PTPRD: variants seen among roughly 807,000 people sequenced by gnomAD.
PTPRD encodes the protein protein tyrosine phosphatase receptor type D.
A neutral mutation model predicts 214.5 loss-of-function variants in PTPRD; 34 were observed. That is an observed-to-expected ratio of 0.16 (90% CI 0.12 to 0.21). The LOEUF (loss-of-function observed/expected upper bound fraction) is 0.21. Among genes scored for constraint, PTPRD ranks in the 10% least tolerant of loss-of-function variants. The probability of loss-of-function intolerance (pLI) is 1.00; values close to 1 mark genes in which losing one functional copy is unlikely to be tolerated. For missense variants in PTPRD, 2,545 were observed against 2,398.7 expected, an observed-to-expected ratio of 1.06 and a Z score of -1.27; for synonymous variants, 1,128 against 845.7, an observed-to-expected ratio of 1.33 and a Z score of -5.79.
intron 9 of PTPRD, among the ~76,000 whole-genome samples, chr9:9,229,787 A>C (rs2099961937): frequency 1.3e-5 from 2 of 152,178 alleles, no homozygotes; most frequent in African/African-American, 4.8e-5. Flanking sequence ...ATAGAATTGA[A>C]GAGCAGGCAT....
At position 8,920,204 on chromosome 9, in the gene PTPRD, G is replaced by T. The variant is rs1225873693; in HGVS notation, c.-104+98493C>A. ...AACATACCAAAAATTAGCTGGGTGT[G>T]GTGGCAAACACCTGTAGTCCTAGCT... On this transcript the variant is annotated intron_variant, in intron 11 of 45. Coordinates refer to ENST00000381196, the MANE Select transcript of PTPRD (RefSeq NM_002839.4). Among the ~76,000 whole-genome samples, 3 of 152,030 alleles carry T rather than the reference G, an allele frequency of 2.0e-5. No homozygotes were observed. In the East Asian group the frequency reaches 5.8e-4, roughly 30 times the overall value.
At chr9:9,385,449 C>G (rs1318539645) in intron 9 of PTPRD, among the ~76,000 whole-genome samples, 1 of 152,162 alleles carries the variant, frequency 6.6e-6, no homozygotes, top group Admixed American at 6.6e-5. Context: ...CTTACAGATT[C>G]TACTTTTGCT....
intron 7 of PTPRD, among the ~76,000 whole-genome samples, chr9:9,624,632 C>T (rs1251991933): frequency 6.6e-6 from 1 of 151,922 alleles, no homozygotes; most frequent in Non-Finnish European, 1.5e-5. Context: ...TATTTTGTAA[C>T]TGTCAAAGCC....
chr9:10,238,795 T>C (rs1263041325), intron 3 of PTPRD, among the ~76,000 whole-genome samples: 6 of 152,008 alleles, frequency 3.9e-5, no homozygotes, highest in Admixed American at 1.3e-4. Context: ...GTTGGGATAA[T>C]TGAATAATGT....
At chr9:10,559,596 G>C (rs1467237949) in intron 2 of PTPRD, among the ~76,000 whole-genome samples, 3 of 152,052 alleles carry the variant, frequency 2.0e-5, no homozygotes, top group African/African-American at 7.2e-5. Flanking sequence ...CACAGCAAAA[G>C]AAGCTACCAT....
intron 11 of PTPRD, among the ~76,000 whole-genome samples, chr9:8,899,958 A>G (rs889341962): frequency 1.3e-5 from 2 of 152,184 alleles, no homozygotes; most frequent in African/African-American, 2.4e-5. Context: ...AACAAATCCA[A>G]ATTATTCCAA....
chr9:8,475,213 C>A (rs1325735724), intron 30 of PTPRD, among the ~76,000 whole-genome samples: 1 of 152,162 alleles, frequency 6.6e-6, no homozygotes, highest in Non-Finnish European at 1.5e-5. Context: ...TCAGTGATCT[C>A]CAGGGCATTA....
chr9:10,081,126 TA>T lies in PTPRD; in HGVS notation c.-544-47337del, dbSNP rs199778538. Among the ~76,000 whole-genome samples the T allele has an allele frequency of 6.7e-3, 1,017 of 152,146 alleles. 29 individuals are homozygous for T. The highest frequency in any genetic ancestry group is 0.047 in the Admixed American group (715 of 15,236). On this transcript the variant is annotated intron_variant, in intron 3 of 45. Transcript: ENST00000381196. ...CCATCTTATAGTTAAGGCATAAGGA[TA>T]AATAAGCATGCTTCTAGATAATTCT...
intron 12 of PTPRD, among the ~76,000 whole-genome samples, chr9:8,659,269 G>A (rs1450105710): frequency 6.6e-6 from 1 of 152,188 alleles, no homozygotes. Context: ...TTGGCTGCAA[G>A]AATCTCAGGA....
chr9:9,968,983 G>C (rs1459068563), intron 4 of PTPRD, among the ~76,000 whole-genome samples: 1 of 152,074 alleles, frequency 6.6e-6, no homozygotes, highest in Admixed American at 6.5e-5. Context: ...ATGTGATCTT[G>C]GCCTCATAGA....
chr9:10,348,933 T>A (rs12345788), intron 2 of PTPRD, among the ~76,000 whole-genome samples: 2 of 152,002 alleles, frequency 1.3e-5, no homozygotes, highest in African/African-American at 4.8e-5. Flanking sequence ...ACCTTCAAGC[T>A]TATCTGTCAA....
At chr9:9,467,213 C>CGTTTTTTTTT (rs1295163512) in intron 8 of PTPRD, among the ~76,000 whole-genome samples, 1 of 92,902 alleles carries the variant, frequency 1.1e-5, no homozygotes, top group African/African-American at 4.4e-5. Flanking sequence ...GTTCATTTAT[C>CGTTTTTTTTT]TTTTTTTTTT....
intron 11 of PTPRD, among the ~76,000 whole-genome samples, chr9:8,828,221 T>C (rs2097212974): frequency 6.6e-6 from 1 of 152,204 alleles, no homozygotes; most frequent in African/African-American, 2.4e-5. Flanking sequence ...CTATGCACAA[T>C]GGACTAAATG....
intron 14 of PTPRD, among the ~76,000 whole-genome samples, chr9:8,599,687 G>C (rs1476200845): frequency 7.1e-6 from 1 of 140,120 alleles, no homozygotes; most frequent in Non-Finnish European, 1.5e-5. Context: ...GCAACGGCGC[G>C]ATCACTGCAA....
chr9:9,834,388 C>G (rs571766408), intron 5 of PTPRD, among the ~76,000 whole-genome samples: 29 of 152,130 alleles, frequency 1.9e-4, no homozygotes, highest in Non-Finnish European at 3.5e-4. Flanking sequence ...TTGACATTAG[C>G]ATTAACTGTT....
intron 7 of PTPRD, among the ~76,000 whole-genome samples, chr9:9,681,228 T>C (rs1318095730): frequency 6.6e-6 from 1 of 151,860 alleles, no homozygotes; most frequent in East Asian, 1.9e-4. Context: ...AAACATAATG[T>C]TCTTCCTGAA....
At chr9:8,503,825 T>C (rs1307198340) in intron 23 of PTPRD, among the ~76,000 whole-genome samples, 4 of 152,330 alleles carry the variant, frequency 2.6e-5, no homozygotes, top group Non-Finnish European at 5.9e-5. Context: ...AATAAGGACT[T>C]GTTTGATTGC....
At chr9:9,415,309 A>G (rs896642001) in intron 8 of PTPRD, among the ~76,000 whole-genome samples, 4 of 151,980 alleles carry the variant, frequency 2.6e-5, no homozygotes, top group African/African-American at 9.7e-5. Context: ...CTCCATCTCT[A>G]CTGAAAATAC....
chr9:9,629,130 C>T lies in PTPRD; in HGVS notation c.-286-54349G>A, dbSNP rs569419433. On this transcript the variant is annotated intron_variant, in intron 7 of 45. Transcript: ENST00000381196. ...CGGAGGTTGCAGTGAGCCAAGATCA[C>T]GCCATTGCACTCCAGCCTGGGTGAC... 9.3e-5 allele frequency among the ~76,000 whole-genome samples: 14 copies of T among 151,204 alleles called. No homozygotes were observed. In the South Asian group the frequency reaches 2.9e-3, roughly 32 times the overall value.
Sources: gnomAD v4.1 joint callset for allele counts (sites outside exome capture counted in the v4.1 genomes callset) on GRCh38, gnomAD v4.1.1 for gene constraint, MANE v1.5 for transcripts, NCBI Gene and HGNC (gene_info 2026-07-23, HGNC 2026-07-21) for gene names.